MSRA: variants seen among roughly 807,000 people sequenced by gnomAD.
MSRA encodes the protein mitochondrial peptide methionine sulfoxide reductase.
Under a neutral mutation model 31.3 loss-of-function variants are expected in MSRA, and 54 were observed. That is an observed-to-expected ratio of 1.73 (90% CI 1.39 to 2.17). The LOEUF (loss-of-function observed/expected upper bound fraction) is 2.17, where lower values mean the gene tolerates loss of function less well. MSRA is among the 30% of genes most tolerant of loss of function. The pLI is 0.00. For missense variants in MSRA, 507 were observed against 300.9 expected, an observed-to-expected ratio of 1.69 and a Z score of -5.07; for synonymous variants, 169 against 116.5, an observed-to-expected ratio of 1.45 and a Z score of -2.90.
chr8:10,135,877 G>A (rs757457717), intron 1 of MSRA, among the ~76,000 whole-genome samples: 29 of 152,160 alleles, frequency 1.9e-4, no homozygotes, highest in Non-Finnish European at 3.4e-4. Flanking sequence ...GAGGCATAAC[G>A]AACCATGCAG....
intron 1 of MSRA, among the ~76,000 whole-genome samples, chr8:10,072,098 G>T (rs1375179816): frequency 6.6e-6 from 1 of 151,624 alleles, no homozygotes; most frequent in African/African-American, 2.4e-5. Flanking sequence ...TTGGCCAGGT[G>T]CCATGTGACA....
intron 1 of MSRA, among the ~76,000 whole-genome samples, chr8:10,070,579 A>G (rs192073125): frequency 1.3e-5 from 2 of 152,324 alleles, no homozygotes; most frequent in African/African-American, 4.8e-5. Context: ...ATTGACAATG[A>G]CAGAGTCAAT....
At chr8:10,180,708 T>C (rs563386874) in intron 1 of MSRA, among the ~76,000 whole-genome samples, 2 of 152,308 alleles carry the variant, frequency 1.3e-5, no homozygotes, top group South Asian at 4.2e-4. Context: ...ATATTCCTTT[T>C]TGTGTCATAA....
chr8:10,252,500 C>T (rs1487231130), intron 3 of MSRA, among the ~76,000 whole-genome samples: 1 of 152,128 alleles, frequency 6.6e-6, no homozygotes, highest in Non-Finnish European at 1.5e-5. Context: ...CTGCGATGGC[C>T]AGTAGCAGAG....
Position 10,245,118 on chromosome 8 carries a change from T to TG in MSRA, c.230dup (p.Ala78SerfsTer2). 6.2e-7 allele frequency: 1 copy of TG among 1,613,456 alleles called. No homozygotes were observed. The highest frequency in any genetic ancestry group is 8.5e-7 in the Non-Finnish European group (1 of 1,179,776). On this transcript the variant is annotated frameshift_variant, in exon 3 of 6. Transcript: ENST00000317173. LOFTEE classifies it high-confidence loss of function. The stretch of plus-strand genomic sequence containing the variant: ...TCTTTTTTAAGGAATGGGATGTTTC[T>TG]GGGGAGCTGAAAGGAAATTCTGGGT...
intron 1 of MSRA, among the ~76,000 whole-genome samples, chr8:10,088,546 C>G (rs909836350): frequency 4.6e-5 from 7 of 152,104 alleles, no homozygotes; most frequent in Admixed American, 3.3e-4. Context: ...ACCAGCCCAG[C>G]CAACATGGCG....
At chr8:10,397,762 A>T (rs1214199660) in intron 5 of MSRA, among the ~76,000 whole-genome samples, 1 of 152,246 alleles carries the variant, frequency 6.6e-6, no homozygotes, top group Admixed American at 6.5e-5. Flanking sequence ...TTGTTGGAAT[A>T]TTCAATATCT....
At chr8:10,093,539 A>G (rs1198059736) in intron 1 of MSRA, among the ~76,000 whole-genome samples, 1 of 152,216 alleles carries the variant, frequency 6.6e-6, no homozygotes, top group East Asian at 1.9e-4. Flanking sequence ...GTTTATAACA[A>G]CAGTTCTATG....
chr8:10,329,412 C>T (rs1174867595), intron 5 of MSRA, among the ~76,000 whole-genome samples: 2 of 152,216 alleles, frequency 1.3e-5, no homozygotes, highest in Admixed American at 1.3e-4. Flanking sequence ...CCTGCCTCAT[C>T]CTCTTCTGGG....
intron 2 of MSRA, among the ~76,000 whole-genome samples, chr8:10,227,264 G>C (rs60007481): frequency 3.9e-5 from 6 of 151,964 alleles, no homozygotes; most frequent in Non-Finnish European, 8.8e-5. Context: ...ATAAGGAAGA[G>C]GGGCTAAATT....
At chr8:10,408,679 A>T (rs1019828755) in intron 5 of MSRA, among the ~76,000 whole-genome samples, 8 of 152,194 alleles carry the variant, frequency 5.3e-5, no homozygotes, top group Non-Finnish European at 2.9e-5. Context: ...TTTAGTGTTA[A>T]TATCACCCAA....
At chr8:10,098,203 A>G (rs534800441) in intron 1 of MSRA, among the ~76,000 whole-genome samples, 3 of 152,170 alleles carry the variant, frequency 2.0e-5, no homozygotes, top group African/African-American at 4.8e-5. Context: ...ATTTTAAAGT[A>G]TATAAATACT....
At chr8:10,189,377 C>T (rs1807324338) in intron 1 of MSRA, among the ~76,000 whole-genome samples, 1 of 152,102 alleles carries the variant, frequency 6.6e-6, no homozygotes, top group Admixed American at 6.5e-5. Flanking sequence ...GACCTCACTA[C>T]AATGTCAAAT....
intron 5 of MSRA, among the ~76,000 whole-genome samples, chr8:10,413,792 G>A (rs1808300361): frequency 6.6e-6 from 1 of 152,138 alleles, no homozygotes; most frequent in African/African-American, 2.4e-5. Flanking sequence ...CCAGTCTGAG[G>A]AACAGAATTT....
chr8:10,139,156 G>C (rs1802500720), intron 1 of MSRA, among the ~76,000 whole-genome samples: 1 of 152,312 alleles, frequency 6.6e-6, no homozygotes, highest in South Asian at 2.1e-4. Context: ...CTGATGTTTT[G>C]TGAATTTTTC....
At chr8:10,389,790 C>CTTTTTTTTTTTT (rs55769720) in intron 5 of MSRA, among the ~76,000 whole-genome samples, 1 of 123,396 alleles carries the variant, frequency 8.1e-6, no homozygotes, top group Non-Finnish European at 1.6e-5. Context: ...GAAACTTACT[C>CTTTTTTTTTTTT]TTTTTTTTTT....
chr8:10,167,858 C>G (rs1487442524), intron 1 of MSRA, among the ~76,000 whole-genome samples: 1 of 152,116 alleles, frequency 6.6e-6, no homozygotes, highest in Non-Finnish European at 1.5e-5. Context: ...TACCCCCACC[C>G]CTAAGGAAAA....
intron 1 of MSRA, among the ~76,000 whole-genome samples, chr8:10,202,195 G>C (rs1021395672): frequency 6.6e-6 from 1 of 152,198 alleles, no homozygotes; most frequent in Non-Finnish European, 1.5e-5. Context: ...GAACCTATAC[G>C]AAGGGTTTAA....
At chr8:10,341,829 G>A (rs1233826535) in intron 5 of MSRA, among the ~76,000 whole-genome samples, 1 of 152,218 alleles carries the variant, frequency 6.6e-6, no homozygotes, top group Non-Finnish European at 1.5e-5. Context: ...ATGGGCAGAT[G>A]ATTTGCCCAA....
Sources: gnomAD v4.1 joint callset for allele counts (sites outside exome capture counted in the v4.1 genomes callset) on GRCh38, gnomAD v4.1.1 for gene constraint, MANE v1.5 for transcripts, NCBI Gene and HGNC (gene_info 2026-07-23, HGNC 2026-07-21) for gene names.